The following DPYD variants were observed in gnomAD, a reference collection of about 807,000 sequenced individuals.
DPYD encodes dihydropyrimidine dehydrogenase [NADP(+)].
A neutral mutation model predicts 116.2 loss-of-function variants in DPYD; 109 were observed. The ratio of observed to expected loss-of-function variants is 0.94; its 90% CI spans 0.80 to 1.10. The LOEUF (loss-of-function observed/expected upper bound fraction) is 1.10, where lower values mean the gene tolerates loss of function less well. Ranked by LOEUF, DPYD falls within the 50% of genes least tolerant of loss-of-function variation. DPYD has a pLI of 0.00. For synonymous variants in DPYD, 440 were observed against 432.0 expected (o/e 1.02, Z -0.23); for missense variants, 1,302 against 1,254.5 (o/e 1.04, Z -0.57).
chr1:97,905,427 T>C (rs1403014214), intron 1 of DPYD, among the ~76,000 whole-genome samples: 1 of 152,024 alleles, frequency 6.6e-6, no homozygotes, highest in Non-Finnish European at 1.5e-5. Context: ...ATCAGTTTTA[T>C]AACACATCTA....
At chr1:97,436,239 G>A (rs932817004) in intron 14 of DPYD, among the ~76,000 whole-genome samples, 56 of 151,958 alleles carry the variant, frequency 3.7e-4, no homozygotes, top group African/African-American at 1.3e-3. Context: ...AGATTACATT[G>A]GAGTTGAGAT....
rs72734085 is a variant in DPYD at position 97,908,669 on chromosome 1, A to G, written c.39+12215T>C. Among the ~76,000 whole-genome samples the G allele has an allele frequency of 4.6e-5, 7 of 152,046 alleles. No individual in the cohort carries two copies. The Middle Eastern group carries it at 0.01, about 222-fold the overall frequency. On this transcript the variant is annotated intron_variant, in intron 1 of 22. Coordinates refer to ENST00000370192, the MANE Select transcript of DPYD (RefSeq NM_000110.4). Reference sequence around the variant, plus strand: ...GTCTTGACTTTACCATGATTATCGCACTATCTCTAAAAGCTTTATTTCAAA... The same window carrying G: ...GTCTTGACTTTACCATGATTATCGCGCTATCTCTAAAAGCTTTATTTCAAA...
chr1:97,389,531 C>T (rs1451133061), intron 14 of DPYD, among the ~76,000 whole-genome samples: 3 of 151,882 alleles, frequency 2.0e-5, no homozygotes, highest in African/African-American at 7.2e-5. Flanking sequence ...TATAGATTGT[C>T]TTAGAGTTGA....
chr1:97,788,897 A>G (rs1380476694), intron 3 of DPYD, among the ~76,000 whole-genome samples: 1 of 152,094 alleles, frequency 6.6e-6, no homozygotes, highest in Non-Finnish European at 1.5e-5. Flanking sequence ...TCCGCCTCCC[A>G]GGTTCAAGTC....
chr1:97,296,681 A>G (rs547008664), intron 18 of DPYD, among the ~76,000 whole-genome samples: 6 of 152,130 alleles, frequency 3.9e-5, no homozygotes, highest in South Asian at 4.1e-4. Context: ...TTAAAATGTA[A>G]AAGTCCATTT....
chr1:97,499,806 T>G (rs183277867), intron 13 of DPYD, among the ~76,000 whole-genome samples: 1,876 of 152,094 alleles, frequency 0.012, 22 homozygotes, highest in Middle Eastern at 0.024. Context: ...TTTTCAAGTT[T>G]TATTTACACA....
At chr1:97,720,067 G>C in intron 5 of DPYD, 12 of 984,928 alleles carry the variant, frequency 1.2e-5, no homozygotes, top group Non-Finnish European at 1.4e-5. Context: ...AGTTCCCAGA[G>C]GGACAGTGTT....
intron 1 of DPYD, among the ~76,000 whole-genome samples, chr1:97,913,136 T>C (rs923563523): frequency 3.3e-5 from 5 of 152,114 alleles, no homozygotes; most frequent in African/African-American, 7.2e-5. Flanking sequence ...CAGCCATATA[T>C]AGTACGATTG....
intron 8 of DPYD, among the ~76,000 whole-genome samples, chr1:97,645,596 A>G (rs942274380): frequency 6.6e-6 from 1 of 151,990 alleles, no homozygotes; most frequent in Non-Finnish European, 1.5e-5. Context: ...TTCTGTTAAT[A>G]TATGTTTTCA....
chr1:97,225,019 A>G lies in DPYD; in HGVS notation c.2442+9833T>C, dbSNP rs868166315. 8.7e-3 allele frequency among the ~76,000 whole-genome samples: 1,133 copies of G among 129,664 alleles called. 7 individuals are homozygous for G. Among genetic ancestry groups the G allele is most frequent in the Non-Finnish European group, 0.014 (805 of 58,398 alleles). The allele number at this position is 129,664 out of a possible 152,430, so 85.1% of individuals were successfully genotyped here. On this transcript the variant is annotated intron_variant, in intron 19 of 22. Coordinates refer to ENST00000370192, the MANE Select transcript of DPYD (RefSeq NM_000110.4). ...TGTCTGTCTGTCTATCTATCTATCTATCTATCTATCTATCTATCTATCTAT... is the reference window on the plus strand; with the variant it reads ...TGTCTGTCTGTCTATCTATCTATCTGTCTATCTATCTATCTATCTATCTAT...
intron 3 of DPYD, among the ~76,000 whole-genome samples, chr1:97,815,589 A>G (rs1170071413): frequency 6.6e-6 from 1 of 152,214 alleles, no homozygotes; most frequent in African/African-American, 2.4e-5. Flanking sequence ...CTCTCACTGA[A>G]CAGACAGCAA....
At chr1:97,564,434 CCTTT>C (rs1214743969) in intron 11 of DPYD, among the ~76,000 whole-genome samples, 1 of 152,160 alleles carries the variant, frequency 6.6e-6, no homozygotes, top group East Asian at 1.9e-4. Context: ...GGCTACAACA[CCTTT>C]CATTAATTAA....
At chr1:97,370,365 A>G (rs6701322) in intron 16 of DPYD, among the ~76,000 whole-genome samples, 40,029 of 152,010 alleles carry the variant, frequency 0.26, 5,485 homozygotes, top group South Asian at 0.43. Context: ...GTTGAACAAC[A>G]AGAACACATG....
At chr1:97,157,980 G>A (rs756933425) in intron 20 of DPYD, among the ~76,000 whole-genome samples, 3 of 152,068 alleles carry the variant, frequency 2.0e-5, no homozygotes, top group Non-Finnish European at 4.4e-5. Flanking sequence ...ATTTGGACTT[G>A]ACTGCTTAGG....
At chr1:97,901,252 T>C (rs1299046889) in intron 1 of DPYD, among the ~76,000 whole-genome samples, 1 of 151,846 alleles carries the variant, frequency 6.6e-6, no homozygotes, top group Non-Finnish European at 1.5e-5. Flanking sequence ...TCTGTACTTC[T>C]TCTATGGGCA....
At chr1:97,616,687 C>T (rs536279163) in intron 8 of DPYD, among the ~76,000 whole-genome samples, 2 of 152,048 alleles carry the variant, frequency 1.3e-5, no homozygotes, top group Non-Finnish European at 2.9e-5. Context: ...AAAATAGAGA[C>T]CTAGTTCATA....
intron 12 of DPYD, among the ~76,000 whole-genome samples, chr1:97,540,121 C>T (rs1392433879): frequency 1.3e-5 from 2 of 151,890 alleles, no homozygotes; most frequent in South Asian, 2.1e-4. Context: ...CAGCTCAATT[C>T]TGACACTATC....
intron 16 of DPYD, among the ~76,000 whole-genome samples, chr1:97,341,569 A>C (rs1240324237): frequency 6.6e-6 from 1 of 152,202 alleles, no homozygotes; most frequent in Non-Finnish European, 1.5e-5. Flanking sequence ...CTAGGTTAGC[A>C]TATTAAAAAG....
chr1:97,723,624 CTGTT>C (rs1252791457), intron 4 of DPYD, among the ~76,000 whole-genome samples: 3 of 151,690 alleles, frequency 2.0e-5, no homozygotes, highest in Admixed American at 6.6e-5. Flanking sequence ...AGTTAAAAGT[CTGTT>C]TCTTTTAATC....
Sources: allele counts gnomAD v4.1 joint callset (sites outside exome capture counted in the v4.1 genomes callset), GRCh38; gene constraint gnomAD v4.1.1; transcripts MANE v1.5; gene names NCBI Gene and HGNC (gene_info 2026-07-23, HGNC 2026-07-21).